Variants in GPC6 observed in about 807,000 individuals in gnomAD.
The protein encoded by GPC6 is glypican-6.
A neutral mutation model predicts 55.2 loss-of-function variants in GPC6; 14 were observed. The ratio of observed to expected loss-of-function variants is 0.25; its 90% CI spans 0.17 to 0.40. The LOEUF (loss-of-function observed/expected upper bound fraction) is 0.40. Ranked by LOEUF, GPC6 falls within the 10% of genes least tolerant of loss-of-function variation. The pLI, the probability that GPC6 is intolerant of heterozygous loss-of-function variation, is 1.00. For synonymous variants in GPC6, 278 were observed against 259.6 expected, an observed-to-expected ratio of 1.07 and a Z score of -0.68; for missense variants, 641 against 708.5, an observed-to-expected ratio of 0.90 and a Z score of 1.08.
At chr13:94,094,709 G>A (rs995787215) in intron 4 of GPC6, among the ~76,000 whole-genome samples, 1 of 152,060 alleles carries the variant, frequency 6.6e-6, no homozygotes, top group Non-Finnish European at 1.5e-5. Flanking sequence ...TGTGAACCAG[G>A]AAGTTCATAA....
chr13:93,682,161 AAG>A (rs1881867033), intron 2 of GPC6, among the ~76,000 whole-genome samples: 1 of 152,194 alleles, frequency 6.6e-6, no homozygotes, highest in East Asian at 1.9e-4. Context: ...ATTATCTCAG[AAG>A]AGTTTCCCAG....
At chr13:94,041,230 G>C (rs1883520611) in intron 4 of GPC6, among the ~76,000 whole-genome samples, 1 of 151,828 alleles carries the variant, frequency 6.6e-6, no homozygotes, top group African/African-American at 2.4e-5. Flanking sequence ...TCAGTTACAA[G>C]ATGGAAGTCA....
At chr13:93,645,915 C>A (rs1268845533) in intron 2 of GPC6, among the ~76,000 whole-genome samples, 1 of 152,034 alleles carries the variant, frequency 6.6e-6, no homozygotes, top group Non-Finnish European at 1.5e-5. Flanking sequence ...CTATTAATGA[C>A]TAATCTCGTC....
At chr13:94,037,351 G>A (rs570888369) in intron 4 of GPC6, among the ~76,000 whole-genome samples, 4 of 151,968 alleles carry the variant, frequency 2.6e-5, no homozygotes, top group South Asian at 2.1e-4. Flanking sequence ...TGCGCTTCCC[G>A]AGTTTGTCCC....
At chr13:93,935,122 T>A (rs996780723) in intron 3 of GPC6, among the ~76,000 whole-genome samples, 21 of 152,224 alleles carry the variant, frequency 1.4e-4, no homozygotes, top group African/African-American at 4.1e-4. Context: ...CTGGTTTTTT[T>A]AATTTTAGGT....
intron 2 of GPC6, among the ~76,000 whole-genome samples, chr13:93,554,953 T>C (rs1232736024): frequency 6.6e-6 from 1 of 152,216 alleles, no homozygotes; most frequent in Non-Finnish European, 1.5e-5. Flanking sequence ...TATAGTAGTT[T>C]ACAGTCTTCA....
At chr13:94,285,705 T>C (rs1892509719) in intron 4 of GPC6, among the ~76,000 whole-genome samples, 1 of 152,222 alleles carries the variant, frequency 6.6e-6, no homozygotes, top group Admixed American at 6.5e-5. Flanking sequence ...CTGAGTTCAT[T>C]TCAGTTCAGT....
chr13:93,500,259 T>C (rs1880471251), intron 1 of GPC6, among the ~76,000 whole-genome samples: 1 of 152,158 alleles, frequency 6.6e-6, no homozygotes, highest in Admixed American at 6.5e-5. Context: ...AACGGATTTA[T>C]CTGATGATTC....
intron 1 of GPC6, among the ~76,000 whole-genome samples, chr13:93,381,681 T>C (rs1203308398): frequency 6.6e-6 from 1 of 152,154 alleles, no homozygotes; most frequent in African/African-American, 2.4e-5. Flanking sequence ...TCTAATTTCA[T>C]AGAGGAAGAA....
At chr13:94,219,638 T>C (rs978500171) in intron 4 of GPC6, among the ~76,000 whole-genome samples, 6 of 152,120 alleles carry the variant, frequency 3.9e-5, no homozygotes, top group African/African-American at 1.4e-4. Flanking sequence ...AAGCCAATAC[T>C]ATGTGACACC....
chr13:93,465,882 T>C (rs1878885512), intron 1 of GPC6, among the ~76,000 whole-genome samples: 1 of 152,150 alleles, frequency 6.6e-6, no homozygotes, highest in Admixed American at 6.5e-5. Flanking sequence ...TTTTTGTGCT[T>C]GAATACTTAG....
chr13:93,340,195 C>T (rs142351246), intron 1 of GPC6, among the ~76,000 whole-genome samples: 4,960 of 151,870 alleles, frequency 0.033, 278 homozygotes, highest in African/African-American at 0.11. Flanking sequence ...CCACCATGCC[C>T]GGCTAATTTT....
At chr13:93,892,257 T>C (rs1875738261) in intron 3 of GPC6, among the ~76,000 whole-genome samples, 1 of 151,946 alleles carries the variant, frequency 6.6e-6, no homozygotes, top group Non-Finnish European at 1.5e-5. Context: ...AACATGGATA[T>C]GGGAAGCCCC....
intron 1 of GPC6, among the ~76,000 whole-genome samples, chr13:93,229,933 G>C (rs1324920134): frequency 6.6e-6 from 1 of 152,070 alleles, no homozygotes; most frequent in African/African-American, 2.4e-5. Flanking sequence ...GCTACCTATT[G>C]CTGTTTTAAT....
intron 1 of GPC6, among the ~76,000 whole-genome samples, chr13:93,535,921 G>A (rs1882045022): frequency 6.6e-6 from 1 of 152,124 alleles, no homozygotes; most frequent in Admixed American, 6.5e-5. Flanking sequence ...AGACCTCAGT[G>A]ATGAGCCTGT....
chr13:93,479,438 T>A (rs760453116), intron 1 of GPC6, among the ~76,000 whole-genome samples: 1 of 152,098 alleles, frequency 6.6e-6, no homozygotes, highest in Non-Finnish European at 1.5e-5. Context: ...GACACAAAGA[T>A]GATCTGAGAA....
intron 2 of GPC6, among the ~76,000 whole-genome samples, chr13:93,685,802 A>G (rs939700972): frequency 1.3e-5 from 2 of 152,170 alleles, no homozygotes; most frequent in South Asian, 4.1e-4. Context: ...TTTATGAAAA[A>G]TATTTTCTCA....
At chr13:93,248,041 G>T (rs1251571270) in intron 1 of GPC6, among the ~76,000 whole-genome samples, 1 of 152,172 alleles carries the variant, frequency 6.6e-6, no homozygotes, top group East Asian at 1.9e-4. Flanking sequence ...TATTGATGAT[G>T]AGATAATATT....
chr13:93,674,370 C>G (rs1036562381), intron 2 of GPC6, among the ~76,000 whole-genome samples: 1 of 152,034 alleles, frequency 6.6e-6, no homozygotes, highest in African/African-American at 2.4e-5. Flanking sequence ...TGAGATAGGC[C>G]TAATTTTATG....
Sources: allele counts gnomAD v4.1 joint callset (sites outside exome capture counted in the v4.1 genomes callset), GRCh38; gene constraint gnomAD v4.1.1; transcripts MANE v1.5; gene names NCBI Gene and HGNC (gene_info 2026-07-23, HGNC 2026-07-21).